Variants in WDR81 observed in about 807,000 individuals in gnomAD.
WDR81 encodes WD repeat domain 81.
In WDR81, 92 loss-of-function variants were observed where a neutral mutation model predicts 140.8. The ratio of observed to expected loss-of-function variants is 0.65; its 90% CI spans 0.55 to 0.78. The LOEUF is 0.78. WDR81 is among the 30% of genes least tolerant of loss of function. The pLI is 0.00. For synonymous variants in WDR81, 1,183 were observed against 1,156.4 expected (o/e 1.02, Z -0.47); for missense variants, 2,502 against 2,636.4 (o/e 0.95, Z 1.12).
At position 1,736,197 on chromosome 17, in the gene WDR81, G is replaced by T. The variant is rs547434413; in HGVS notation, c.5484G>T (p.Glu1828Asp). 6 of 1,597,832 alleles carry T rather than the reference G, an allele frequency of 3.8e-6. No homozygotes were observed. Among genetic ancestry groups the T allele is most frequent in the Admixed American group, 3.3e-5 (2 of 59,870 alleles). Residue 1828 changes from glutamate (E) to aspartate (D), a missense_variant, in exon 9 of 10, where the codon GAG becomes GAT. Transcript: ENST00000409644. ...GLVLRGWPAH[E>D]GDILQIKAVE... ...TTCTGCGAGGCTGGCCAGCCCACGA[G>T]GGGGACATTCTGCAGATCAAGGTGA... is the stretch of plus-strand genomic sequence containing the variant.
At chr17:1,719,984 G>A (rs145838035), upstream of WDR81, among the ~76,000 whole-genome samples, 78 of 152,084 alleles carry the variant, frequency 5.1e-4, no homozygotes, top group South Asian at 1.0e-2. Context: ...AGAAAAAAAC[G>A]AAAAACAAAT....
chr17:1,730,250 C>T (rs1436830581), intron 1 of WDR81, 130 bp from the exon 2 acceptor site: 1 of 718,292 alleles, frequency 1.4e-6, no homozygotes, highest in African/African-American at 1.8e-5. Flanking sequence ...TGGTGTGGGA[C>T]AGCCGGCCCG....
chr17:1,737,446 C>T lies in WDR81; in HGVS notation c.5587C>T (p.His1863Tyr), dbSNP rs1327519446. The T allele has an allele frequency of 1.2e-6, 2 of 1,612,952 alleles. No individual in the cohort carries two copies. Among genetic ancestry groups the T allele is most frequent in the African/African-American group, 1.3e-5 (1 of 74,908 alleles). Residue 1863 changes from histidine to tyrosine, a missense_variant, in exon 10 of 10, where the codon CAT becomes TAT. His to Tyr is a moderately conservative substitution (Grantham distance 83, BLOSUM62 2). Coordinates refer to ENST00000409644, the MANE Select transcript of WDR81 (RefSeq NM_001163809.2). ...VWKELEQKPT[H>Y]HYKSASDPIH... ...GAAGGAGCTGGAGCAGAAGCCCACC[C>T]ATCACTACAAGTCAGCATCCGACCC...
upstream of WDR81, among the ~76,000 whole-genome samples, chr17:1,723,361 T>C (rs1158357656): frequency 1.3e-5 from 2 of 151,994 alleles, no homozygotes; most frequent in African/African-American, 2.4e-5. Flanking sequence ...CTGGGCCACT[T>C]CTCTCCCTCA....
rs903735614 is a variant in WDR81 at position 1,730,804 on chromosome 17, G to C, written c.3825G>C (p.Leu1275=). 1 of 1,612,352 alleles carries C rather than the reference G, an allele frequency of 6.2e-7. No homozygotes were observed. Among genetic ancestry groups the C allele is most frequent in the African/African-American group, 1.3e-5 (1 of 75,056 alleles). Residue 1275 remains leucine (L), a synonymous_variant, in exon 3 of 10, where the codon CTG becomes CTC. Coordinates refer to ENST00000409644, the MANE Select transcript of WDR81 (RefSeq NM_001163809.2). ...TGAGCAGTGGCGAGAGCCCACCGCT[G>C]AGCGCCGGCAACATCTACCAGAAGA... ...FTVSSGESPP[L]SAGNIYQKRP... is the part of the protein sequence containing the mutation.
Position 1,730,829 on chromosome 17 carries a change from A to G in WDR81, c.3850A>G (p.Arg1284Gly). The G allele has an allele frequency of 6.2e-7, 1 of 1,612,724 alleles. No homozygotes were observed. The highest frequency in any genetic ancestry group is 8.5e-7 in the Non-Finnish European group (1 of 1,179,966). Residue 1284 changes from arginine (R) to glycine (G), a missense_variant, in exon 3 of 10, where the codon AGG becomes GGG. By Grantham distance (125) the Arg-to-Gly change is moderately radical. Transcript: ENST00000409644. ...GAGCGCCGGCAACATCTACCAGAAG[A>G]GGCCGGTCCTGGGCGACATCGTGTC... ...PLSAGNIYQK[R>G]PVLGDIVSGP...
chr17:1,717,705 T>G lies in WDR81; in HGVS notation c.-124+1072T>G, dbSNP rs146080622. On this transcript the variant is annotated intron_variant, in intron 1 of 10. Transcript: ENST00000309182. ...CCCATGGGTGGTGAAGGAAAGAACG[T>G]GGGGGATGTGATTGTATGATCTTTC... Among the ~76,000 whole-genome samples the G allele has an allele frequency of 5.0e-3, 761 of 152,322 alleles. 8 individuals are homozygous for G. The highest frequency in any genetic ancestry group is 0.017 in the African/African-American group (723 of 41,564).
At position 1,733,552 on chromosome 17, in the gene WDR81, C is replaced by A; in HGVS notation, c.4515C>A (p.Pro1505=). The A allele has an allele frequency of 6.6e-7, 1 of 1,518,672 alleles. No homozygotes were observed. Among genetic ancestry groups the A allele is most frequent in the Non-Finnish European group, 8.8e-7 (1 of 1,134,738 alleles). The allele number at this position is 1,518,672 out of a possible 1,614,324, so 94.1% of individuals were successfully genotyped here. A position where few individuals can be genotyped will look rare whatever the true frequency, so the allele number is the denominator to read the frequency against. ...GTGACATCATCCGGAAAATCATCCC[C>A]AACCACGAGCTGGTTGGGGAGCTGG... is the stretch of plus-strand genomic sequence containing the variant. ...LLGDIIRKII[P]NHELVGELAA... is the part of the protein sequence containing the mutation. The change falls in exon 7 of 10, where the codon CCC becomes CCA. Residue 1505 remains proline (P), a synonymous_variant. Transcript: ENST00000409644.
Position 1,728,021 on chromosome 17 carries a change from A to T in WDR81, c.3062A>T (p.Glu1021Val). The T allele has an allele frequency of 3.2e-6, 5 of 1,554,122 alleles. No homozygotes were observed. The highest frequency in any genetic ancestry group is 4.4e-6 in the Non-Finnish European group (5 of 1,149,218). Reference protein sequence around the residue: ...VLAGAEASQEESKDLAGAAEE... With the variant: ...VLAGAEASQEVSKDLAGAAEE... ...GCGGGCGCAGAGGCCTCCCAGGAGG[A>T]GAGCAAGGACCTGGCAGGGGCTGCT... Residue 1021 changes from glutamate (E) to valine (V), a missense_variant, in exon 1 of 10, where the codon GAG becomes GTG. This residue lies in a region of WDR81 where 1,737 missense variants were observed against 1,843.0 expected (regional missense o/e 0.94). Transcript: ENST00000409644.
chr17:1,731,121 G>C lies in WDR81; in HGVS notation c.4020G>C (p.Ala1340=). ...GPSRLNSRKE[A]GLLAAVTLTQ... ...GCCGACTGAACAGCCGTAAGGAGGC[G>C]GGGCTGCTGGCCGCGGTGACGCTGA... The change falls in exon 4 of 10, where the codon GCG becomes GCC. Residue 1340 remains alanine (A), a synonymous_variant. Transcript: ENST00000409644. 6.2e-7 allele frequency: 1 copy of C among 1,613,128 alleles called. No homozygotes were observed. The highest frequency in any genetic ancestry group is 8.5e-7 in the Non-Finnish European group (1 of 1,179,952).
In WDR81 at chr17:1,726,231, C is replaced by T. The variant is rs758215941; in HGVS notation, c.1272C>T (p.Phe424=). The change falls in exon 1 of 10, where the codon TTC becomes TTT. Residue 424 remains phenylalanine, a synonymous_variant. Transcript: ENST00000409644. ...CGTATGAGATGACACGGCAGGCATT[C>T]GTAGCAGGCGGGGCGGGCGGCGGGG... The part of the protein sequence containing the change: ...DFTYEMTRQA[F]VAGGAGGGEP... 5 of 1,536,732 alleles carry T rather than the reference C, an allele frequency of 3.3e-6. No homozygotes were observed. Among genetic ancestry groups the T allele is most frequent in the African/African-American group, 2.7e-5 (2 of 72,834 alleles).
Position 1,733,543 on chromosome 17 carries a change from A to C in WDR81, c.4506A>C (p.Lys1502Asn). ...FSCLLGDIIR[K>N]IIPNHELVGE... ...CCTATCCAGGTGACATCATCCGGAA[A>C]ATCATCCCCAACCACGAGCTGGTTG... The change falls in exon 7 of 10, where the codon AAA becomes AAC. Residue 1502 changes from lysine (K) to asparagine (N), a missense_variant. By Grantham distance (94) the Lys-to-Asn change is moderately conservative. Around this residue, in one of 3 missense-constraint regions of WDR81, gnomAD observed 1,737 missense variants for 1,843.0 expected, o/e 0.94. Coordinates refer to ENST00000409644, the MANE Select transcript of WDR81 (RefSeq NM_001163809.2). 6.6e-7 allele frequency: 1 copy of C among 1,516,728 alleles called. No individual in the cohort carries two copies. The highest frequency in any genetic ancestry group is 8.8e-7 in the Non-Finnish European group (1 of 1,133,696). 94.0% of individuals were successfully genotyped at this position (1,516,728 alleles called of 1,614,324 possible). A position where few individuals can be genotyped will look rare whatever the true frequency, so the allele number is the denominator to read the frequency against.
chr17:1,737,601 C>T lies in WDR81; in HGVS notation c.5742C>T (p.Gly1914=). Residue 1914 remains glycine, a synonymous_variant, in exon 10 of 10, where the codon GGC becomes GGT. Transcript: ENST00000409644. ...AGCTCAGCTCTGAGAACTTCCGCGG[C>T]ACGCTCACCAGCCTGGCCTTGCTGC... ...TTKLSSENFR[G]TLTSLALLPT... is the part of the protein sequence containing the mutation. The T allele has an allele frequency of 1.2e-6, 2 of 1,612,806 alleles. No individual in the cohort carries two copies. The highest frequency in any genetic ancestry group is 1.7e-6 in the Non-Finnish European group (2 of 1,179,990).
At chr17:1,718,346 C>T (rs1415966869) in intron 1 of WDR81, among the ~76,000 whole-genome samples, 1 of 152,152 alleles carries the variant, frequency 6.6e-6, no homozygotes, top group Non-Finnish European at 1.5e-5. Flanking sequence ...TCGAACTCCT[C>T]ACCTCAGGTG....
chr17:1,725,069 A>G lies in WDR81; in HGVS notation c.110A>G (p.Asp37Gly). The G allele has an allele frequency of 6.7e-7, 1 of 1,488,324 alleles. No individual in the cohort carries two copies. Among genetic ancestry groups the G allele is most frequent in the Non-Finnish European group, 8.9e-7 (1 of 1,118,592 alleles). The allele number at this position is 1,488,324 out of a possible 1,614,324, so 92.2% of individuals were successfully genotyped here. The change falls in exon 1 of 10, where the codon GAC (aspartate) becomes GGC (glycine). Residue 37 changes from aspartate to glycine, a missense_variant. Transcript: ENST00000409644. ...GAGCTGCTCCGGAGCGTGGAGAGGGACCTGAGCATCGATCCCAGGCAGCTG... is the reference window on the plus strand; with the variant it reads ...GAGCTGCTCCGGAGCGTGGAGAGGGGCCTGAGCATCGATCCCAGGCAGCTG... ...MQELLRSVER[D>G]LSIDPRQLAP...
intron 4 of WDR81, 120 bp from the exon 5 acceptor site, chr17:1,732,202 ACTC>A (rs1393898607): frequency 7.4e-7 from 1 of 1,350,900 alleles, no homozygotes; most frequent in African/African-American, 1.5e-5. Flanking sequence ...GCACCACTGC[ACTC>A]CAGCCTGGAT....
chr17:1,726,332 C>T lies in WDR81; in HGVS notation c.1373C>T (p.Thr458Met), dbSNP rs370613522. 4.7e-5 allele frequency: 73 copies of T among 1,544,186 alleles called. No individual in the cohort carries two copies. Among genetic ancestry groups the T allele is most frequent in the Middle Eastern group, 1.7e-4 (1 of 5,976 alleles). ...ITYYVYKARR[T>M]PRSVLCGHVR... ...TACTATGTGTACAAGGCTCGGCGCA[C>T]GCCTCGGTCGGTGCTCTGCGGACAC... is the stretch of plus-strand genomic sequence containing the variant. The change falls in exon 1 of 10, where the codon ACG (threonine) becomes ATG (methionine). Residue 458 changes from threonine (T) to methionine (M), a missense_variant. Around this residue, in one of 3 missense-constraint regions of WDR81, gnomAD observed 218 missense variants for 279.6 expected, o/e 0.78. Coordinates refer to ENST00000409644, the MANE Select transcript of WDR81 (RefSeq NM_001163809.2).
chr17:1,723,290 C>G (rs1914974329), upstream of WDR81, among the ~76,000 whole-genome samples: 1 of 152,070 alleles, frequency 6.6e-6, no homozygotes, highest in South Asian at 2.1e-4. Context: ...CCGCAGAGGC[C>G]AATCTTCAAC....
At chr17:1,730,730 A>C in intron 2 of WDR81, 25 bp from the exon 3 acceptor site, 2 of 1,591,186 alleles carry the variant, frequency 1.3e-6, no homozygotes, top group South Asian at 1.1e-5. Context: ...CTGGCGACTC[A>C]GGGCTGCTGG....
Sources: gnomAD v4.1 joint callset for allele counts (sites outside exome capture counted in the v4.1 genomes callset) on GRCh38, gnomAD v4.1.1 for gene constraint, gnomAD v4.1.1 regional missense constraint, MANE v1.5 for transcripts, NCBI Gene and HGNC (gene_info 2026-07-23, HGNC 2026-07-21) for gene names.